LRIG1: variants seen among roughly 807,000 people sequenced by gnomAD.
The protein encoded by LRIG1 is leucine-rich repeats and immunoglobulin-like domains protein 1.
Under a neutral mutation model 99.2 loss-of-function variants are expected in LRIG1, and 48 were observed. The observed-to-expected ratio is 0.48, with a 90% CI of 0.38 to 0.62. The LOEUF is 0.62. Among genes scored for constraint, LRIG1 ranks in the 20% least tolerant of loss-of-function variants. The pLI is 0.00. For synonymous variants in LRIG1, 772 were observed against 596.1 expected (o/e 1.29, Z -4.30); for missense variants, 1,646 against 1,434.4 (o/e 1.15, Z -2.38).
chr3:66,401,430 A>G (rs957459135), intron 9 of LRIG1, among the ~76,000 whole-genome samples: 4 of 152,234 alleles, frequency 2.6e-5, no homozygotes, highest in African/African-American at 7.2e-5. Context: ...TCTCCTGTAA[A>G]TGAGATCCAG....
In LRIG1 at chr3:66,500,341, G is replaced by A. The variant is rs1409936427; in HGVS notation, c.67C>T (p.Leu23=). 2.0e-6 allele frequency: 3 copies of A among 1,493,992 alleles called. No homozygotes were observed. Among genetic ancestry groups the A allele is most frequent in the South Asian group, 1.3e-5 (1 of 78,826 alleles). 92.5% of individuals were successfully genotyped at this position (1,493,992 alleles called of 1,614,324 possible). ...RRSPCLLLLW[L]LLLRLEPVTA... Reference sequence around the variant, plus strand: ...ACCGGCTCCAGCCGAAGCAAAAGCAGCCAGAGAAGGAGAAGGCAAGGCGAG... The same window carrying A: ...ACCGGCTCCAGCCGAAGCAAAAGCAACCAGAGAAGGAGAAGGCAAGGCGAG... Residue 23 remains leucine, a synonymous_variant, in exon 1 of 19, where the codon CTG becomes TTG. Transcript: ENST00000273261.
At chr3:66,382,136 A>T in intron 16 of LRIG1, 137 bp downstream of exon 16, 1 of 953,340 alleles carries the variant, frequency 1.0e-6, no homozygotes, top group Non-Finnish European at 1.6e-6. Flanking sequence ...AGCAGCCCTT[A>T]GTCATACCGC....
chr3:66,446,517 T>G (rs1559803609), intron 3 of LRIG1, among the ~76,000 whole-genome samples: 1 of 151,240 alleles, frequency 6.6e-6, no homozygotes, highest in Non-Finnish European at 1.5e-5. Flanking sequence ...GTGATTCTCC[T>G]GCTGCAGCCT....
chr3:66,380,003 A>C lies in LRIG1; in HGVS notation c.*260T>G. On this transcript the variant is annotated 3_prime_UTR_variant, in exon 19 of 19. Transcript: ENST00000273261. ...TGTTAACCATGCACTAAAGATTAAA[A>C]TAGCCTCTGTAAAAGATATATATGA... is the stretch of plus-strand genomic sequence containing the variant. 3.3e-6 allele frequency: 1 copy of C among 301,944 alleles called. No individual in the cohort carries two copies. The allele number at this position is 301,944 out of a possible 1,614,324, so 18.7% of individuals were successfully genotyped here.
chr3:66,418,201 T>C (rs77685724), intron 3 of LRIG1, among the ~76,000 whole-genome samples: 2 of 152,156 alleles, frequency 1.3e-5, no homozygotes, highest in Non-Finnish European at 2.9e-5. Context: ...AAGCGATTCT[T>C]CTGCCTCAGC....
chr3:66,456,218 T>G (rs1232045758), intron 2 of LRIG1, among the ~76,000 whole-genome samples: 1 of 152,208 alleles, frequency 6.6e-6, no homozygotes, highest in African/African-American at 2.4e-5. Context: ...TGTAGGGTTT[T>G]GGGAGGATCC....
chr3:66,419,194 T>C (rs1382961672), intron 3 of LRIG1, among the ~76,000 whole-genome samples: 1 of 152,082 alleles, frequency 6.6e-6, no homozygotes, highest in East Asian at 1.9e-4. Flanking sequence ...AGGCCTTACA[T>C]TGCGAAGCCG....
At chr3:66,473,240 T>C (rs1452415838) in intron 1 of LRIG1, among the ~76,000 whole-genome samples, 1 of 152,190 alleles carries the variant, frequency 6.6e-6, no homozygotes, top group Non-Finnish European at 1.5e-5. Flanking sequence ...TCATTCCCCA[T>C]CCACAAAAAA....
intron 1 of LRIG1, among the ~76,000 whole-genome samples, chr3:66,476,513 T>C (rs887730311): frequency 6.6e-6 from 1 of 152,196 alleles, no homozygotes; most frequent in Admixed American, 6.5e-5. Context: ...GGTTCACAAA[T>C]GGATTTCTCC....
chr3:66,459,774 C>T (rs1461703319), intron 2 of LRIG1, among the ~76,000 whole-genome samples: 3 of 151,956 alleles, frequency 2.0e-5, no homozygotes, highest in African/African-American at 7.3e-5. Context: ...AACCCAGTCA[C>T]GAGGACAAAG....
At chr3:66,412,838 C>T (rs779779348) in intron 6 of LRIG1, 33 bp downstream of exon 6, 2 of 1,612,474 alleles carry the variant, frequency 1.2e-6, no homozygotes, top group East Asian at 2.2e-5. Context: ...CACAGCAATC[C>T]TTAGCAATGC....
chr3:66,456,194 A>G (rs1700216737), intron 2 of LRIG1, among the ~76,000 whole-genome samples: 1 of 152,216 alleles, frequency 6.6e-6, no homozygotes, highest in African/African-American at 2.4e-5. Flanking sequence ...TGTAAATAAT[A>G]CAAGTGCCAG....
At chr3:66,442,391 CAT>C (rs1001504418) in intron 3 of LRIG1, among the ~76,000 whole-genome samples, 4 of 152,090 alleles carry the variant, frequency 2.6e-5, no homozygotes, top group African/African-American at 9.7e-5. Flanking sequence ...TGCATATGCA[CAT>C]GAGGCTTCCC....
At chr3:66,475,934 A>G (rs1337119601) in intron 1 of LRIG1, among the ~76,000 whole-genome samples, 1 of 152,202 alleles carries the variant, frequency 6.6e-6, no homozygotes, top group African/African-American at 2.4e-5. Flanking sequence ...CGCCACTACA[A>G]AGCCCCAAAA....
chr3:66,381,584 T>G lies in LRIG1; in HGVS notation c.2665A>C (p.Ser889Arg), dbSNP rs1209496598. ...AGCTTTGGCTGCCTGCAGGCAACGC[T>G]GTGAGTGTCGGGCTCTGGAAAGTGG... ...ASHFPEPDTH[S>R]VACRQPKLCA... Residue 889 changes from serine to arginine, a missense_variant, in exon 17 of 19, where the codon AGC becomes CGC. Ser to Arg is a moderately radical substitution (Grantham distance 110, BLOSUM62 -1). Coordinates refer to ENST00000273261, the MANE Select transcript of LRIG1 (RefSeq NM_015541.3). 4 of 1,614,154 alleles carry G rather than the reference T, an allele frequency of 2.5e-6. No homozygotes were observed. The South Asian group carries it at 4.4e-5, about 18-fold the overall frequency.
In LRIG1 at chr3:66,385,969, G is replaced by A. The variant is rs929973331; in HGVS notation, c.1789+12C>T. 13 of 1,608,410 alleles carry A rather than the reference G, an allele frequency of 8.1e-6. No individual in the cohort carries two copies. Among genetic ancestry groups the A allele is most frequent in the Non-Finnish European group, 1.1e-5 (13 of 1,176,048 alleles). Reference sequence around the variant, plus strand: ...GGATTCTGGTACTATAACAAAGATGGTGTTTCCATACCATTCACGGTGAGC... The same window carrying A: ...GGATTCTGGTACTATAACAAAGATGATGTTTCCATACCATTCACGGTGAGC... On this transcript the variant is annotated intron_variant, in intron 13 of 18. Transcript: ENST00000273261.
At chr3:66,406,098 T>A (rs1379582669) in intron 8 of LRIG1, 1 of 985,520 alleles carries the variant, frequency 1.0e-6, no homozygotes, top group East Asian at 1.1e-4. Flanking sequence ...AAGGAACTCT[T>A]GTCTCCTGTG....
chr3:66,435,022 C>A (rs953859708), intron 3 of LRIG1, among the ~76,000 whole-genome samples: 1 of 152,034 alleles, frequency 6.6e-6, no homozygotes, highest in Admixed American at 6.6e-5. Context: ...AAAAGCAGCC[C>A]CAAACTGGAA....
rs1044838423 is a variant in LRIG1 at position 66,379,950 on chromosome 3, A to G, written c.*313T>C. On this transcript the variant is annotated 3_prime_UTR_variant, in exon 19 of 19. Coordinates refer to ENST00000273261, the MANE Select transcript of LRIG1 (RefSeq NM_015541.3). The stretch of plus-strand genomic sequence containing the variant: ...AAACAGCAACCTGATACGAAAAATA[A>G]TATTGTCAAAATTGTATAATTTTTT... The G allele has an allele frequency of 5.2e-6, 1 of 193,080 alleles. No homozygotes were observed. Among genetic ancestry groups the G allele is most frequent in the Non-Finnish European group, 1.1e-5 (1 of 95,086 alleles). 12.0% of individuals were successfully genotyped at this position (193,080 alleles called of 1,614,324 possible).
Sources: allele counts gnomAD v4.1 joint callset (sites outside exome capture counted in the v4.1 genomes callset), GRCh38; gene constraint gnomAD v4.1.1; transcripts MANE v1.5; gene names NCBI Gene and HGNC (gene_info 2026-07-23, HGNC 2026-07-21).